CDIN1: variants seen among roughly 807,000 people sequenced by gnomAD.
CDIN1 encodes the protein CDAN1-interacting nuclease 1.
Under a neutral mutation model 45.3 loss-of-function variants are expected in CDIN1, and 33 were observed. The observed-to-expected ratio is 0.73, with a 90% CI of 0.55 to 0.97. CDIN1 has a LOEUF of 0.97. CDIN1 is among the 50% of genes least tolerant of loss of function. The probability of loss-of-function intolerance (pLI) is 0.00; values close to 1 mark genes in which losing one functional copy is unlikely to be tolerated. For missense variants in CDIN1, 303 were observed against 339.4 expected, an observed-to-expected ratio of 0.89 and a Z score of 0.84; for synonymous variants, 118 against 124.4, an observed-to-expected ratio of 0.95 and a Z score of 0.34.
At chr15:36,602,832 C>A (rs1255251205) in intron 1 of CDIN1, among the ~76,000 whole-genome samples, 1 of 151,914 alleles carries the variant, frequency 6.6e-6, no homozygotes, top group Admixed American at 6.6e-5. Context: ...AATATATATA[C>A]AAAAAATGAG....
intron 1 of CDIN1, among the ~76,000 whole-genome samples, chr15:36,635,694 A>C (rs2039870965): frequency 6.6e-6 from 1 of 152,250 alleles, no homozygotes; most frequent in African/African-American, 2.4e-5. Flanking sequence ...AAACAGAATT[A>C]CTAGAATTAA....
chr15:36,682,767 CA>C (rs10706117), intron 5 of CDIN1, among the ~76,000 whole-genome samples: 11,251 of 61,282 alleles, frequency 0.18, 181 homozygotes, highest in Middle Eastern at 0.24. Flanking sequence ...AAGACCCTGC[CA>C]AAAAAAAAAA....
chr15:36,589,610 A>G (rs1298715461), intron 1 of CDIN1, among the ~76,000 whole-genome samples: 1 of 151,432 alleles, frequency 6.6e-6, no homozygotes, highest in Non-Finnish European at 1.5e-5. Flanking sequence ...GGTTCACGCC[A>G]TTCTCCTGCC....
chr15:36,794,915 A>C (rs576258171), intron 10 of CDIN1, among the ~76,000 whole-genome samples: 223 of 152,364 alleles, frequency 1.5e-3, no homozygotes, highest in Middle Eastern at 0.01. Context: ...AATGAAGAAA[A>C]TGTGTATGTA....
At chr15:36,741,459 T>C (rs2044234654) in intron 10 of CDIN1, among the ~76,000 whole-genome samples, 1 of 122,084 alleles carries the variant, frequency 8.2e-6, no homozygotes. Context: ...TTTGAAAAGC[T>C]TTTTTTTTTT....
At chr15:36,795,304 T>C (rs2054766496) in intron 10 of CDIN1, among the ~76,000 whole-genome samples, 1 of 152,212 alleles carries the variant, frequency 6.6e-6, no homozygotes, top group Non-Finnish European at 1.5e-5. Flanking sequence ...AAAGTGTTCC[T>C]AACACATCAA....
chr15:36,579,921 A>G lies in CDIN1; in HGVS notation c.61A>G (p.Thr21Ala). Reference protein sequence around the residue: ...IAQCLVSVPPTRQSLRKLKQR... With the variant: ...IAQCLVSVPPARQSLRKLKQR... Reference sequence around the variant, plus strand: ...CCAGTGCCTAGTGTCTGTGCCGCCTACCAGGCAGAGCCTGAGGAAGCTGAA... The same window carrying G: ...CCAGTGCCTAGTGTCTGTGCCGCCTGCCAGGCAGAGCCTGAGGAAGCTGAA... The change falls in exon 1 of 11, where the codon ACC (threonine) becomes GCC (alanine). Residue 21 changes from threonine to alanine, a missense_variant. Physicochemically the swap from Thr to Ala is moderately conservative, Grantham distance 58. Coordinates refer to ENST00000566621, the MANE Select transcript of CDIN1 (RefSeq NM_001321759.2). 6.2e-7 allele frequency: 1 copy of G among 1,613,940 alleles called. No individual in the cohort carries two copies. The highest frequency in any genetic ancestry group is 1.1e-5 in the South Asian group (1 of 91,060).
chr15:36,650,877 A>G (rs2040547851), intron 3 of CDIN1, among the ~76,000 whole-genome samples: 1 of 152,128 alleles, frequency 6.6e-6, no homozygotes, highest in African/African-American at 2.4e-5. Flanking sequence ...AGCTTAGCCA[A>G]CATGGCAAAA....
At chr15:36,586,143 C>A (rs2037286660) in intron 1 of CDIN1, among the ~76,000 whole-genome samples, 1 of 151,474 alleles carries the variant, frequency 6.6e-6, no homozygotes, top group African/African-American at 2.4e-5. Flanking sequence ...TTCCCTAATT[C>A]TTCATTTTGA....
At chr15:36,656,421 C>A (rs2040785448) in intron 4 of CDIN1, among the ~76,000 whole-genome samples, 1 of 152,052 alleles carries the variant, frequency 6.6e-6, no homozygotes, top group African/African-American at 2.4e-5. Flanking sequence ...TACTACTTTT[C>A]CAGTTTCAAG....
Position 36,749,145 on chromosome 15 carries a change from TTTGACAACTGGA to T in CDIN1, c.716+39185_716+39196del, listed in dbSNP as rs146086743. Reference sequence around the variant, plus strand: ...CCAGAAATATACATATTAAATGATGTTTGACAACTGGAATTTAGTGGTTTTGTTATTGGTTGT... The same window carrying T: ...CCAGAAATATACATATTAAATGATGTATTTAGTGGTTTTGTTATTGGTTGT... On this transcript the variant is annotated intron_variant, in intron 10 of 10. Transcript: ENST00000566621. 1.6e-3 allele frequency among the ~76,000 whole-genome samples: 239 copies of T among 152,336 alleles called. 1 individual carries two copies. The highest frequency in any genetic ancestry group is 5.5e-3 in the African/African-American group (230 of 41,566).
intron 7 of CDIN1, 134 bp from the exon 8 acceptor site, chr15:36,697,189 A>T (rs954206903): frequency 1.8e-5 from 13 of 719,282 alleles, no homozygotes; most frequent in African/African-American, 7.4e-5. Context: ...AAATGAGGGG[A>T]TGTGTGTAGA....
At chr15:36,765,138 C>G (rs2053885999) in intron 10 of CDIN1, among the ~76,000 whole-genome samples, 1 of 149,310 alleles carries the variant, frequency 6.7e-6, no homozygotes, top group Non-Finnish European at 1.5e-5. Flanking sequence ...TCACTGCAAC[C>G]TCTGCTTCCT....
At chr15:36,630,573 C>T (rs1311590534) in intron 1 of CDIN1, among the ~76,000 whole-genome samples, 5 of 152,160 alleles carry the variant, frequency 3.3e-5, no homozygotes, top group African/African-American at 1.2e-4. Context: ...TGCCACCCTC[C>T]CTATTGTTTA....
At chr15:36,701,994 C>G (rs2042663123) in intron 8 of CDIN1, 1 of 700,258 alleles carries the variant, frequency 1.4e-6, no homozygotes, top group East Asian at 2.7e-5. Flanking sequence ...TATGATGTGA[C>G]AAACAGGGGA....
intron 10 of CDIN1, chr15:36,746,865 T>A (rs2044464688): frequency 1.5e-5 from 3 of 200,796 alleles, no homozygotes; most frequent in South Asian, 1.9e-4. Flanking sequence ...CCCTCCCACC[T>A]CAGTCTCCCA....
chr15:36,682,904 T>A (rs2041907538), intron 5 of CDIN1, among the ~76,000 whole-genome samples: 1 of 152,036 alleles, frequency 6.6e-6, no homozygotes, highest in African/African-American at 2.4e-5. Context: ...CAAACAAGAT[T>A]GTTGAACAAA....
intron 4 of CDIN1, 44 bp from the exon 5 acceptor site, chr15:36,657,789 C>T (rs548735216): frequency 1.7e-5 from 26 of 1,502,834 alleles, no homozygotes; most frequent in Middle Eastern, 3.4e-4. Flanking sequence ...ATCCACTGCT[C>T]GCACAACTTG....
At chr15:36,722,192 TA>T (rs1335689435) in intron 10 of CDIN1, among the ~76,000 whole-genome samples, 1 of 152,180 alleles carries the variant, frequency 6.6e-6, no homozygotes, top group Non-Finnish European at 1.5e-5. Flanking sequence ...GTCTTAAAAT[TA>T]ACCTTGTAAT....
Sources: allele counts gnomAD v4.1 joint callset (sites outside exome capture counted in the v4.1 genomes callset), GRCh38; gene constraint gnomAD v4.1.1; transcripts MANE v1.5; gene names NCBI Gene and HGNC (gene_info 2026-07-23, HGNC 2026-07-21).